The following PPP2R2D variants were observed in gnomAD, a reference collection of about 807,000 sequenced individuals.
PPP2R2D encodes the protein serine/threonine-protein phosphatase 2A 55 kDa regulatory subunit B delta isoform.
Under a neutral mutation model 31.1 loss-of-function variants are expected in PPP2R2D, and 9 were observed. That is an observed-to-expected ratio of 0.29 (90% CI 0.17 to 0.51). The LOEUF (loss-of-function observed/expected upper bound fraction) is 0.51, where lower values mean the gene tolerates loss of function less well. PPP2R2D is among the 20% of genes least tolerant of loss of function. The pLI is 0.98. For missense variants in PPP2R2D, 391 were observed against 465.6 expected (o/e 0.84, Z 1.48); for synonymous variants, 179 against 172.6 (o/e 1.04, Z -0.29).
intron 2 of PPP2R2D, 79 bp downstream of exon 2, chr10:131,901,409 A>G (rs2035492128): frequency 6.1e-6 from 2 of 330,428 alleles, no homozygotes; most frequent in Admixed American, 4.9e-5. Context: ...CCGGGCCCCA[A>G]GCGTCCGTGG....
rs569372116 is a variant in PPP2R2D at position 131,941,960 on chromosome 10, G to T, written c.477+1266G>T. ...TGTTTTGATCCAAAATGTTGGTGAT[G>T]TCTGATACACAGTGCTGCCGCCTTT... On this transcript the variant is annotated intron_variant, in intron 5 of 8. Coordinates refer to ENST00000455566, the MANE Select transcript of PPP2R2D (RefSeq NM_018461.5). Among the ~76,000 whole-genome samples, 16 of 152,354 alleles carry T rather than the reference G, an allele frequency of 1.1e-4. No individual in the cohort carries two copies. The South Asian group carries it at 3.3e-3, about 32-fold the overall frequency.
chr10:131,913,436 G>A (rs1157508158), intron 2 of PPP2R2D, among the ~76,000 whole-genome samples: 1 of 152,030 alleles, frequency 6.6e-6, no homozygotes, highest in Non-Finnish European at 1.5e-5. Flanking sequence ...TCCTCTCCGA[G>A]TACAGCTGAA....
chr10:131,918,134 A>G (rs1235392472), intron 2 of PPP2R2D, among the ~76,000 whole-genome samples: 1 of 133,152 alleles, frequency 7.5e-6, no homozygotes, highest in East Asian at 2.4e-4. Flanking sequence ...GTTTGTAGGG[A>G]CCTCAGGCGG....
intron 2 of PPP2R2D, among the ~76,000 whole-genome samples, chr10:131,915,827 G>A (rs961998554): frequency 2.6e-5 from 4 of 152,208 alleles, no homozygotes; most frequent in Non-Finnish European, 5.9e-5. Context: ...TTAGATAATC[G>A]TTGAAGTAGT....
At chr10:131,917,443 A>T (rs1159705153) in intron 2 of PPP2R2D, among the ~76,000 whole-genome samples, 1 of 128,146 alleles carries the variant, frequency 7.8e-6, no homozygotes, top group African/African-American at 3.1e-5. Context: ...GGGTGGAATG[A>T]CAGTGTTTGT....
chr10:131,946,430 T>G (rs2036541746), intron 7 of PPP2R2D, among the ~76,000 whole-genome samples: 2 of 152,028 alleles, frequency 1.3e-5, no homozygotes, highest in African/African-American at 4.8e-5. Context: ...CCGCTGCTCA[T>G]GTGCAGCGGC....
intron 3 of PPP2R2D, 116 bp downstream of exon 3, chr10:131,934,671 A>G (rs1217292809): frequency 4.3e-6 from 3 of 689,852 alleles, no homozygotes; most frequent in African/African-American, 1.8e-5. Context: ...ATTCAGTTCC[A>G]TCACATTAGC....
At chr10:131,923,238 C>T (rs1361857286) in intron 2 of PPP2R2D, among the ~76,000 whole-genome samples, 2 of 152,188 alleles carry the variant, frequency 1.3e-5, no homozygotes, top group African/African-American at 2.4e-5. Flanking sequence ...TCATGGCCCA[C>T]GTGTCCCTCT....
At chr10:131,943,208 G>T (rs1554897436) in intron 5 of PPP2R2D, among the ~76,000 whole-genome samples, 1 of 152,148 alleles carries the variant, frequency 6.6e-6, no homozygotes, top group African/African-American at 2.4e-5. Context: ...CCTGCAGCCA[G>T]CGCCCACTCC....
At position 131,943,976 on chromosome 10, in the gene PPP2R2D, A is replaced by G. The variant is rs781792253; in HGVS notation, c.486A>G (p.Ile162Met). 2.2e-6 allele frequency: 2 copies of G among 917,360 alleles called. No individual in the cohort carries two copies. Among genetic ancestry groups the G allele is most frequent in the South Asian group, 2.6e-5 (2 of 76,286 alleles). The allele number at this position is 917,360 out of a possible 1,614,324, so 56.8% of individuals were successfully genotyped here. The change falls in exon 6 of 9, where the codon ATA becomes ATG. Residue 162 changes from isoleucine to methionine, a missense_variant. By Grantham distance (10) the Ile-to-Met change is conservative. Around this residue, in one of 3 missense-constraint regions of PPP2R2D, gnomAD observed 105 missense variants for 98.5 expected, o/e 1.07. Coordinates refer to ENST00000455566, the MANE Select transcript of PPP2R2D (RefSeq NM_018461.5). ...TTTCCTTCCATTTTTAGGTCCCAAT[A>G]TTGAAGCCCATGGATCTTATGGTAG... ...PFRITALRVP[I>M]LKPMDLMVEA... is the part of the protein sequence containing the mutation.
chr10:131,904,374 A>G (rs1205782643), intron 2 of PPP2R2D, among the ~76,000 whole-genome samples: 1 of 151,576 alleles, frequency 6.6e-6, no homozygotes, highest in Non-Finnish European at 1.5e-5. Flanking sequence ...GCCGGGTGTG[A>G]TGGCGGGCGC....
intron 2 of PPP2R2D, among the ~76,000 whole-genome samples, chr10:131,901,586 C>T (rs1371770936): frequency 6.6e-5 from 10 of 152,246 alleles, no homozygotes; most frequent in African/African-American, 2.4e-4. Flanking sequence ...TCACGGGCGG[C>T]CGGGTCCTCC....
At chr10:131,933,414 T>G (rs1403753582) in intron 2 of PPP2R2D, among the ~76,000 whole-genome samples, 1 of 152,200 alleles carries the variant, frequency 6.6e-6, no homozygotes, top group Non-Finnish European at 1.5e-5. Flanking sequence ...CCGTGGGCCC[T>G]GGGTGTGCCC....
chr10:131,918,937 G>A (rs1246334636), intron 2 of PPP2R2D, among the ~76,000 whole-genome samples: 1 of 142,260 alleles, frequency 7.0e-6, no homozygotes, highest in Non-Finnish European at 1.5e-5. Context: ...TCAGGCGGAT[G>A]GAATGACACA....
intron 3 of PPP2R2D, 149 bp downstream of exon 3, chr10:131,934,704 A>T: frequency 1.6e-6 from 1 of 644,928 alleles, no homozygotes; most frequent in South Asian, 1.7e-5. Flanking sequence ...CCTTTCAGAA[A>T]TTATCTAAGT....
In PPP2R2D at chr10:131,956,043, C is replaced by T. The variant is rs1188990119; in HGVS notation, c.*80C>T. The T allele has an allele frequency of 8.1e-6, 11 of 1,353,578 alleles. No homozygotes were observed. The Admixed American group carries it at 9.4e-5, about 12-fold the overall frequency. The allele number at this position is 1,353,578 out of a possible 1,614,324, so 83.8% of individuals were successfully genotyped here. On this transcript the variant is annotated 3_prime_UTR_variant, in exon 9 of 9. Transcript: ENST00000455566. Reference sequence around the variant, plus strand: ...CTGTCAGAGAAAAGGCATCATTGTCCGCTCCATTAAGAACAGTGACGCACC... The same window carrying T: ...CTGTCAGAGAAAAGGCATCATTGTCTGCTCCATTAAGAACAGTGACGCACC...
At position 131,956,283 on chromosome 10, in the gene PPP2R2D, C is replaced by T; in HGVS notation, c.*320C>T. On this transcript the variant is annotated 3_prime_UTR_variant, in exon 9 of 9. Coordinates refer to ENST00000455566, the MANE Select transcript of PPP2R2D (RefSeq NM_018461.5). ...TCCAATTTATAGACCAAAAAATTAACATCCAAGAGAAAAGTTATTGTCAGA... is the reference window on the plus strand; with the variant it reads ...TCCAATTTATAGACCAAAAAATTAATATCCAAGAGAAAAGTTATTGTCAGA... 9.6e-7 allele frequency: 1 copy of T among 1,047,018 alleles called. No individual in the cohort carries two copies. The highest frequency in any genetic ancestry group is 1.1e-6 in the Non-Finnish European group (1 of 870,680). 64.9% of individuals were successfully genotyped at this position (1,047,018 alleles called of 1,614,324 possible).
the PPP2R2D span, chr10:131,968,747 A>C: frequency 1.9e-6 from 1 of 537,098 alleles, no homozygotes; most frequent in South Asian, 2.4e-5. Flanking sequence ...TGTTTTATCA[A>C]TATGTATTTT....
chr10:131,965,141 C>T, the PPP2R2D span, among the ~76,000 whole-genome samples: 321 of 152,328 alleles, frequency 2.1e-3, no homozygotes, highest in Non-Finnish European at 3.6e-3. Context: ...AGACTGTCAG[C>T]GAGGGCATCT....
Sources: gnomAD v4.1 joint callset for allele counts (sites outside exome capture counted in the v4.1 genomes callset) on GRCh38, gnomAD v4.1.1 for gene constraint, gnomAD v4.1.1 regional missense constraint, MANE v1.5 for transcripts, NCBI Gene and HGNC (gene_info 2026-07-23, HGNC 2026-07-21) for gene names.